Variants in SRGAP1 observed in about 807,000 individuals in gnomAD.
SRGAP1 encodes the protein SLIT-ROBO Rho GTPase-activating protein 1.
Under a neutral mutation model 121.9 loss-of-function variants are expected in SRGAP1, and 43 were observed. The observed-to-expected ratio is 0.35, with a 90% CI of 0.28 to 0.46. The LOEUF is 0.46. Among genes scored for constraint, SRGAP1 ranks in the 20% least tolerant of loss-of-function variants. The probability of loss-of-function intolerance (pLI) is 1.00; values close to 1 mark genes in which losing one functional copy is unlikely to be tolerated. For missense variants in SRGAP1, 1,102 were observed against 1,350.9 expected, an observed-to-expected ratio of 0.82 and a Z score of 2.89; for synonymous variants, 447 against 485.4, an observed-to-expected ratio of 0.92 and a Z score of 1.04.
intron 10 of SRGAP1, among the ~76,000 whole-genome samples, chr12:64,086,145 C>T (rs1296722672): frequency 1.3e-5 from 2 of 152,184 alleles, no homozygotes; most frequent in African/African-American, 2.4e-5. Flanking sequence ...TGTGCTGCAA[C>T]GTGACCATCC....
chr12:64,023,775 A>G (rs934712599), intron 4 of SRGAP1, among the ~76,000 whole-genome samples: 3 of 152,228 alleles, frequency 2.0e-5, no homozygotes, highest in African/African-American at 7.2e-5. Context: ...CCATGAGGGC[A>G]AGCACATTAT....
At chr12:63,926,600 G>A (rs1592952174) in intron 1 of SRGAP1, among the ~76,000 whole-genome samples, 3 of 151,952 alleles carry the variant, frequency 2.0e-5, no homozygotes, top group Admixed American at 2.0e-4. Context: ...ACATTCATGG[G>A]GTACAATGTG....
Position 64,158,558 on chromosome 12 carries a change from G to A in SRGAP1, c.*15886G>A, listed in dbSNP as rs2037184022. The A allele has an allele frequency of 6.6e-6, 1 of 152,114 alleles. No homozygotes were observed. Among genetic ancestry groups the A allele is most frequent in the Non-Finnish European group, 1.5e-5 (1 of 68,034 alleles). The allele number at this position is 152,114 out of a possible 1,614,324, so 9.4% of individuals were successfully genotyped here. On this transcript the variant is annotated 3_prime_UTR_variant, in exon 22 of 22. Coordinates refer to ENST00000355086, the MANE Select transcript of SRGAP1 (RefSeq NM_020762.4). ...GTCTAGTAAATAATTAGGATTATGA[G>A]GTCAGGAGTTTGAGACCAGCCTGGC...
chr12:64,031,562 C>G (rs1386867096), intron 4 of SRGAP1, among the ~76,000 whole-genome samples: 1 of 152,108 alleles, frequency 6.6e-6, no homozygotes, highest in Non-Finnish European at 1.5e-5. Flanking sequence ...GCATGGGAGA[C>G]TGAAGGCTCC....
intron 1 of SRGAP1, among the ~76,000 whole-genome samples, chr12:63,920,022 G>A (rs1377320451): frequency 6.6e-6 from 1 of 152,210 alleles, no homozygotes; most frequent in African/African-American, 2.4e-5. Context: ...ATTGCTGGGA[G>A]TGGAATTGCA....
intron 6 of SRGAP1, among the ~76,000 whole-genome samples, chr12:64,057,889 C>T (rs1405939187): frequency 6.6e-6 from 1 of 152,196 alleles, no homozygotes; most frequent in Non-Finnish European, 1.5e-5. Flanking sequence ...CCTCCAGTTA[C>T]TCCAGTGCAA....
chr12:64,127,783 G>A, intron 20 of SRGAP1, 59 bp downstream of exon 20: 2 of 1,603,516 alleles, frequency 1.2e-6, no homozygotes, highest in East Asian at 4.5e-5. Context: ...GCCATGAGGA[G>A]CCACTGCACC....
chr12:64,119,691 C>CT (rs1307114348), intron 18 of SRGAP1, among the ~76,000 whole-genome samples: 2 of 145,408 alleles, frequency 1.4e-5, no homozygotes, highest in Admixed American at 6.9e-5. Context: ...TGCACAAATT[C>CT]TTTTTTTTAT....
rs144411322 is a variant in SRGAP1, at chr12:63,980,290, G to A, written c.68-3657G>A. Among the ~76,000 whole-genome samples, 7 of 152,302 alleles carry A rather than the reference G, an allele frequency of 4.6e-5. No homozygotes were observed. In the East Asian group the frequency reaches 1.4e-3, roughly 29 times the overall value. On this transcript the variant is annotated intron_variant, in intron 1 of 21. Transcript: ENST00000355086. ...GCTGATTTCAAACATTTGAGCTCAA[G>A]CGATCTACCTGCCTTGGCCTCCCAA... is the stretch of plus-strand genomic sequence containing the variant.
At chr12:64,114,692 T>C (rs1490292513) in intron 17 of SRGAP1, among the ~76,000 whole-genome samples, 5 of 152,180 alleles carry the variant, frequency 3.3e-5, no homozygotes, top group Non-Finnish European at 7.4e-5. Flanking sequence ...CAGTAAGCTC[T>C]GCTGTCTTGT....
Position 64,150,338 on chromosome 12 carries a change from C to G in SRGAP1, c.*7666C>G, listed in dbSNP as rs1281787613. 6.6e-6 allele frequency: 1 copy of G among 152,172 alleles called. No homozygotes were observed. The highest frequency in any genetic ancestry group is 2.4e-5 in the African/African-American group (1 of 41,452). 9.4% of individuals were successfully genotyped at this position (152,172 alleles called of 1,614,324 possible). A position where few individuals can be genotyped will look rare whatever the true frequency, so the allele number is the denominator to read the frequency against. ...TGGATGGATCCTTCACACCCAACAGCTGTCTATCAGGGGTGCTTCCGAGGG... is the reference window on the plus strand; with the variant it reads ...TGGATGGATCCTTCACACCCAACAGGTGTCTATCAGGGGTGCTTCCGAGGG... On this transcript the variant is annotated 3_prime_UTR_variant, in exon 22 of 22. Transcript: ENST00000355086.
At chr12:63,876,885 T>C (rs923795863) in intron 1 of SRGAP1, among the ~76,000 whole-genome samples, 3 of 152,220 alleles carry the variant, frequency 2.0e-5, no homozygotes, top group Non-Finnish European at 2.9e-5. Context: ...AACCAGGCTT[T>C]GGACTTGAAC....
intron 3 of SRGAP1, among the ~76,000 whole-genome samples, chr12:64,015,346 T>C (rs2034374671): frequency 6.6e-6 from 1 of 152,212 alleles, no homozygotes; most frequent in African/African-American, 2.4e-5. Context: ...TTCATTTTTT[T>C]ACTCATGACT....
At position 64,154,789 on chromosome 12, in the gene SRGAP1, G is replaced by T. The variant is rs372587196; in HGVS notation, c.*12117G>T. On this transcript the variant is annotated 3_prime_UTR_variant, in exon 22 of 22. Transcript: ENST00000355086. ...TGATATTTAAAGCTATGGGACTCCCGGAAAGAGAAAGAGAAAGGAAGGTAC... is the reference window on the plus strand; with the variant it reads ...TGATATTTAAAGCTATGGGACTCCCTGAAAGAGAAAGAGAAAGGAAGGTAC... The T allele has an allele frequency of 3.9e-5, 6 of 151,998 alleles. No homozygotes were observed. The South Asian group carries it at 1.2e-3, about 32-fold the overall frequency. 9.4% of individuals were successfully genotyped at this position (151,998 alleles called of 1,614,324 possible). A position where few individuals can be genotyped will look rare whatever the true frequency, so the allele number is the denominator to read the frequency against.
chr12:64,144,255 G>GTTGTTGTTGTTGTTGTTGT lies in SRGAP1; in HGVS notation c.*1583_*1584insTTGTTGTTGTTGTTGTTGT, dbSNP rs1565701100. 6.9e-5 allele frequency: 6 copies of GTTGTTGTTGTTGTTGTTGT among 86,636 alleles called. No homozygotes were observed. In the East Asian group the frequency reaches 2.7e-3, roughly 39 times the overall value. The allele number at this position is 86,636 out of a possible 1,614,324, so 5.4% of individuals were successfully genotyped here. On this transcript the variant is annotated 3_prime_UTR_variant, in exon 22 of 22. Coordinates refer to ENST00000355086, the MANE Select transcript of SRGAP1 (RefSeq NM_020762.4). The stretch of plus-strand genomic sequence containing the variant: ...ATTTTTGTTGTTGTTGTTGTTGTTG[G>GTTGTTGTTGTTGTTGTTGT]GAGAAATGGATTTCCCACAACTAAT...
rs1011140393 is a variant in SRGAP1, at chr12:63,856,240, G to A, written c.67+11357G>A. Among the ~76,000 whole-genome samples, 7 of 150,978 alleles carry A rather than the reference G, an allele frequency of 4.6e-5. No individual in the cohort carries two copies. The South Asian group carries it at 8.4e-4, about 18-fold the overall frequency. On this transcript the variant is annotated intron_variant, in intron 1 of 21. Transcript: ENST00000355086. Reference sequence around the variant, plus strand: ...GCACTCCAGCCTGGGCAACAAGAGCGAAACTCCGTCTCTAAATAAATAAAT... The same window carrying A: ...GCACTCCAGCCTGGGCAACAAGAGCAAAACTCCGTCTCTAAATAAATAAAT...
At chr12:64,002,277 C>T (rs2033925056) in intron 3 of SRGAP1, among the ~76,000 whole-genome samples, 1 of 152,224 alleles carries the variant, frequency 6.6e-6, no homozygotes, top group Admixed American at 6.5e-5. Context: ...GTGACACCAA[C>T]AGAGGCCTAC....
intron 1 of SRGAP1, among the ~76,000 whole-genome samples, chr12:63,861,302 A>ATTTTTTT (rs71457100): frequency 1.5e-5 from 2 of 132,620 alleles, no homozygotes; most frequent in East Asian, 4.5e-4. Context: ...ATATATATAT[A>ATTTTTTT]TTTTTTTTTT....
chr12:63,880,341 C>T (rs1900155289), intron 1 of SRGAP1, among the ~76,000 whole-genome samples: 1 of 152,066 alleles, frequency 6.6e-6, no homozygotes, highest in Admixed American at 6.5e-5. Flanking sequence ...AAGTGATTCT[C>T]CTGACTCAGC....
Sources: allele counts gnomAD v4.1 joint callset (sites outside exome capture counted in the v4.1 genomes callset), GRCh38; gene constraint gnomAD v4.1.1; transcripts MANE v1.5; gene names NCBI Gene and HGNC (gene_info 2026-07-23, HGNC 2026-07-21).